ZFHX4: variants seen among roughly 807,000 people sequenced by gnomAD.
ZFHX4 encodes zinc finger homeobox 4, also known as zinc finger homeobox protein 4.
ZFHX4 carries 56 observed loss-of-function variants against 267.6 expected under a neutral mutation model. The observed-to-expected ratio is 0.21, with a 90% confidence interval of 0.17 to 0.26. The LOEUF (loss-of-function observed/expected upper bound fraction) is 0.26. ZFHX4 is among the 10% of genes least tolerant of loss of function. The probability of loss-of-function intolerance (pLI) is 1.00; values close to 1 mark genes in which losing one functional copy is unlikely to be tolerated. For missense variants in ZFHX4, 4,332 were observed against 4,420.0 expected, an observed-to-expected ratio of 0.98 and a Z score of 0.56; for synonymous variants, 1,778 against 1,665.6, an observed-to-expected ratio of 1.07 and a Z score of -1.64.
Position 76,778,404 on chromosome 8 carries a change from T to C in ZFHX4, c.3290T>C (p.Ile1097Thr). The C allele has an allele frequency of 1.2e-6, 2 of 1,613,728 alleles. No individual in the cohort carries two copies. The highest frequency in any genetic ancestry group is 2.2e-5 in the East Asian group (1 of 44,860). The change falls in exon 4 of 11, where the codon ATC becomes ACC. Residue 1097 changes from isoleucine (I) to threonine (T), a missense_variant. This residue lies in a region of ZFHX4 where 1,371 missense variants were observed against 1,423.1 expected (regional missense o/e 0.96). Coordinates refer to ENST00000651372, the MANE Select transcript of ZFHX4 (RefSeq NM_024721.5). ...CCAGAGGAGGACAACCTCAGTGAGA[T>C]CTTTTTTGTTAAAGATTGCCCACCA... ...LAPEEDNLSE[I>T]FFVKDCPPNE...
At chr8:76,805,544 A>G (rs1188171903) in intron 4 of ZFHX4, among the ~76,000 whole-genome samples, 1 of 151,460 alleles carries the variant, frequency 6.6e-6, no homozygotes, top group East Asian at 1.9e-4. Flanking sequence ...CAGTGAGCTC[A>G]GCAGAGAATA....
chr8:76,686,680 T>G (rs940113252), intron 1 of ZFHX4, among the ~76,000 whole-genome samples: 2 of 152,208 alleles, frequency 1.3e-5, no homozygotes, highest in African/African-American at 4.8e-5. Context: ...GGTTCGACAA[T>G]GTCAATGAGA....
chr8:76,818,742 C>T (rs563812286), intron 4 of ZFHX4, among the ~76,000 whole-genome samples: 1 of 152,032 alleles, frequency 6.6e-6, no homozygotes, highest in African/African-American at 2.4e-5. Context: ...CACAGGGAGA[C>T]CTTGTCTCTA....
intron 6 of ZFHX4, among the ~76,000 whole-genome samples, chr8:76,848,460 T>C (rs1434498603): frequency 6.6e-6 from 1 of 152,176 alleles, no homozygotes; most frequent in Non-Finnish European, 1.5e-5. Flanking sequence ...AGTAAATCAC[T>C]AATAGCAGCA....
intron 3 of ZFHX4, among the ~76,000 whole-genome samples, chr8:76,758,105 C>T (rs1809812139): frequency 6.6e-6 from 1 of 152,098 alleles, no homozygotes; most frequent in Non-Finnish European, 1.5e-5. Flanking sequence ...AAGGAAGGAA[C>T]ACAGTCTCTT....
chr8:76,804,396 A>G (rs1811195206), intron 4 of ZFHX4, among the ~76,000 whole-genome samples: 1 of 152,142 alleles, frequency 6.6e-6, no homozygotes, highest in South Asian at 2.1e-4. Flanking sequence ...GTAGTCATTT[A>G]ATATTTTTAA....
intron 3 of ZFHX4, among the ~76,000 whole-genome samples, chr8:76,730,052 T>A (rs1452029418): frequency 6.6e-6 from 1 of 152,220 alleles, no homozygotes; most frequent in East Asian, 1.9e-4. Context: ...GTTGTGTTTC[T>A]ATTTGTTAAT....
chr8:76,787,103 T>A (rs1810711499), intron 4 of ZFHX4, among the ~76,000 whole-genome samples: 1 of 152,172 alleles, frequency 6.6e-6, no homozygotes, highest in Admixed American at 6.6e-5. Flanking sequence ...TGTTTTCAAA[T>A]CAACAAAACA....
chr8:76,735,764 G>T (rs962096039), intron 3 of ZFHX4, among the ~76,000 whole-genome samples: 5 of 152,072 alleles, frequency 3.3e-5, no homozygotes, highest in African/African-American at 1.2e-4. Context: ...AATGGATCGA[G>T]GGGAGAAGAT....
intron 4 of ZFHX4, among the ~76,000 whole-genome samples, chr8:76,807,287 G>A (rs910035055): frequency 6.6e-6 from 1 of 151,720 alleles, no homozygotes; most frequent in African/African-American, 2.4e-5. Flanking sequence ...CACCAAAGAC[G>A]GTGCACAGAG....
chr8:76,682,629 T>A (rs1322726366), intron 1 of ZFHX4: 3 of 152,362 alleles, frequency 2.0e-5, no homozygotes, highest in Non-Finnish European at 2.9e-5. Flanking sequence ...GCCCGCGGCT[T>A]GGGGTCAAGA....
chr8:76,794,872 A>ATT (rs1056142602), intron 4 of ZFHX4, among the ~76,000 whole-genome samples: 5 of 132,968 alleles, frequency 3.8e-5, no homozygotes, highest in Admixed American at 1.5e-4. Flanking sequence ...CTGGCCTGTC[A>ATT]TTGTGTGTGT....
At chr8:76,849,849 G>C (rs531490505) in intron 8 of ZFHX4, 137 bp downstream of exon 8, 1 of 977,890 alleles carries the variant, frequency 1.0e-6, no homozygotes, top group African/African-American at 1.6e-5. Flanking sequence ...TGTTATAGTA[G>C]TCACACTCAA....
At chr8:76,777,552 C>A (rs1431669592) in intron 3 of ZFHX4, among the ~76,000 whole-genome samples, 6 of 152,046 alleles carry the variant, frequency 3.9e-5, no homozygotes, top group African/African-American at 1.2e-4. Flanking sequence ...TCCATGCATG[C>A]AGATTTATGG....
Position 76,851,820 on chromosome 8 carries a change from T to A in ZFHX4, c.4899T>A (p.Ala1633=), listed in dbSNP as rs779306676. 1.6e-5 allele frequency: 26 copies of A among 1,613,842 alleles called. 1 individual carries two copies. Among genetic ancestry groups the A allele is most frequent in the Non-Finnish European group, 1.9e-5 (23 of 1,179,880 alleles). Residue 1633 remains alanine, a synonymous_variant, in exon 10 of 11, where the codon GCT becomes GCA. Coordinates refer to ENST00000651372, the MANE Select transcript of ZFHX4 (RefSeq NM_024721.5). ...AAKLEPSGHV[A]GGHSIAANVN... ...AGCTGGAGCCCAGTGGTCATGTGGC[T>A]GGTGGGCACAGCATTGCAGCAAATG...
intron 5 of ZFHX4, among the ~76,000 whole-genome samples, chr8:76,837,493 G>GAA (rs11293025): frequency 8.2e-6 from 1 of 121,564 alleles, no homozygotes; most frequent in Non-Finnish European, 1.8e-5. Flanking sequence ...AATGCAAAAA[G>GAA]AAAAAAAAAA....
chr8:76,683,540 T>A (rs1807607008), intron 1 of ZFHX4, among the ~76,000 whole-genome samples: 1 of 150,270 alleles, frequency 6.7e-6, no homozygotes, highest in Admixed American at 6.6e-5. Flanking sequence ...TTTCCTCTCC[T>A]TGAGTCTCCC....
chr8:76,719,949 T>C (rs2131637737), intron 3 of ZFHX4, among the ~76,000 whole-genome samples: 1 of 152,288 alleles, frequency 6.6e-6, no homozygotes, highest in East Asian at 1.9e-4. Flanking sequence ...CAGTGAATCT[T>C]GAGACCATTG....
intron 3 of ZFHX4, among the ~76,000 whole-genome samples, chr8:76,726,353 T>C (rs1808852796): frequency 6.6e-6 from 1 of 152,180 alleles, no homozygotes; most frequent in Non-Finnish European, 1.5e-5. Context: ...ATTTTAAAAC[T>C]ACATTTTTTA....
Sources: allele counts gnomAD v4.1 joint callset (sites outside exome capture counted in the v4.1 genomes callset), GRCh38; gene constraint gnomAD v4.1.1; regional missense constraint gnomAD v4.1.1; transcripts MANE v1.5; gene names NCBI Gene and HGNC (gene_info 2026-07-23, HGNC 2026-07-21).